The following RBFOX1 variants were observed in gnomAD, a reference collection of about 807,000 sequenced individuals.
RBFOX1 encodes RNA binding protein fox-1 homolog 1.
Under a neutral mutation model 57.7 loss-of-function variants are expected in RBFOX1, and 8 were observed. The observed-to-expected ratio is 0.14, with a 90% CI of 0.08 to 0.25. The LOEUF is 0.25. Among genes scored for constraint, RBFOX1 ranks in the 10% least tolerant of loss-of-function variants. The pLI, the probability that RBFOX1 is intolerant of heterozygous loss-of-function variation, is 1.00. For missense variants in RBFOX1, 611 were observed against 548.5 expected (o/e 1.11, Z -1.14); for synonymous variants, 326 against 222.4 (o/e 1.47, Z -4.15).
intron 2 of RBFOX1, among the ~76,000 whole-genome samples, chr16:6,359,132 A>T (rs915253211): frequency 1.3e-5 from 2 of 152,074 alleles, no homozygotes; most frequent in Non-Finnish European, 2.9e-5. Flanking sequence ...TAGCTCTGTC[A>T]CCCAGGCTGG....
At chr16:7,006,183 A>T (rs550358188) in intron 3 of RBFOX1, among the ~76,000 whole-genome samples, 10 of 151,688 alleles carry the variant, frequency 6.6e-5, no homozygotes, top group Non-Finnish European at 1.3e-4. Context: ...ATGGAGTCTC[A>T]CTCTGTTTGT....
chr16:7,703,663 TG>T (rs1268777115), intron 14 of RBFOX1, among the ~76,000 whole-genome samples: 1 of 152,206 alleles, frequency 6.6e-6, no homozygotes, highest in Non-Finnish European at 1.5e-5. Context: ...TTCAAGTAGG[TG>T]TACATAGTAC....
intron 2 of RBFOX1, among the ~76,000 whole-genome samples, chr16:6,564,312 G>A (rs190082313): frequency 3.2e-4 from 48 of 152,268 alleles, no homozygotes; most frequent in African/African-American, 1.1e-3. Flanking sequence ...CTGGGCTGCA[G>A]TGCATACAGT....
chr16:5,611,106 C>T (rs2047769582), intron 3 of RBFOX1: 2 of 152,196 alleles, frequency 1.3e-5, no homozygotes, highest in South Asian at 2.1e-4. Flanking sequence ...CGTGCTTTCT[C>T]TCTGACCCAC....
At chr16:6,438,302 G>T (rs9939653) in intron 2 of RBFOX1, among the ~76,000 whole-genome samples, 33,496 of 152,100 alleles carry the variant, frequency 0.22, 3,971 homozygotes, top group East Asian at 0.32. Context: ...AAGGTGTACT[G>T]TTGTTTCTAT....
intron 2 of RBFOX1, among the ~76,000 whole-genome samples, chr16:5,585,011 C>G (rs1319849020): frequency 1.3e-5 from 2 of 152,136 alleles, no homozygotes; most frequent in Non-Finnish European, 2.9e-5. Context: ...AAAATAAAGG[C>G]AGCCTCCACA....
intron 4 of RBFOX1, among the ~76,000 whole-genome samples, chr16:6,002,367 G>C (rs1283217441): frequency 6.6e-6 from 1 of 152,216 alleles, no homozygotes; most frequent in Admixed American, 6.5e-5. Flanking sequence ...AGAGGAAATA[G>C]AGTTTTGACA....
intron 4 of RBFOX1, among the ~76,000 whole-genome samples, chr16:7,425,200 C>G (rs11642984): frequency 6.6e-6 from 1 of 152,064 alleles, no homozygotes; most frequent in African/African-American, 2.4e-5. Context: ...CTGTAGAATG[C>G]TAGAAGTCCA....
At chr16:6,614,892 A>G (rs1263176659) in intron 2 of RBFOX1, among the ~76,000 whole-genome samples, 1 of 152,196 alleles carries the variant, frequency 6.6e-6, no homozygotes, top group Non-Finnish European at 1.5e-5. Flanking sequence ...AAATGTTTGC[A>G]TTTGGAGGTA....
At chr16:6,380,406 T>G (rs1235264382) in intron 2 of RBFOX1, among the ~76,000 whole-genome samples, 1 of 16,464 alleles carries the variant, frequency 6.1e-5, no homozygotes, top group East Asian at 2.3e-3. Flanking sequence ...GGATTTTTTT[T>G]TTTTTTTTTT....
intron 1 of RBFOX1, among the ~76,000 whole-genome samples, chr16:5,324,434 G>A (rs568064067): frequency 7.9e-5 from 12 of 152,184 alleles, no homozygotes; most frequent in African/African-American, 1.2e-4. Flanking sequence ...CTGCACTCCA[G>A]CCTGGGTGAC....
intron 2 of RBFOX1, among the ~76,000 whole-genome samples, chr16:6,515,725 C>A (rs1461284862): frequency 1.3e-5 from 2 of 152,164 alleles, no homozygotes; most frequent in Admixed American, 1.3e-4. Context: ...CAGGCTACCC[C>A]ATACCTCCAC....
At chr16:7,560,532 C>CA (rs35756861) in intron 5 of RBFOX1, among the ~76,000 whole-genome samples, 71,995 of 135,668 alleles carry the variant, frequency 0.53, 18,241 homozygotes, top group Admixed American at 0.58. Context: ...TGTAGAGTAT[C>CA]AAAAAAAAAA....
At chr16:7,401,946 A>C (rs1487306669) in intron 4 of RBFOX1, among the ~76,000 whole-genome samples, 1 of 152,160 alleles carries the variant, frequency 6.6e-6, no homozygotes, top group Non-Finnish European at 1.5e-5. Context: ...CCAAAAGAGG[A>C]ATGTCATCTG....
At chr16:6,731,134 G>A (rs970425) in intron 3 of RBFOX1, among the ~76,000 whole-genome samples, 137,827 of 152,144 alleles carry the variant, frequency 0.91, 64,050 homozygotes, top group East Asian at 1. Flanking sequence ...ATTAGAAGAT[G>A]AATACAGAGG....
chr16:5,585,930 GA>G (rs2046815345), intron 2 of RBFOX1, among the ~76,000 whole-genome samples: 1 of 152,094 alleles, frequency 6.6e-6, no homozygotes. Flanking sequence ...TGGAACCTGT[GA>G]ATATGATCTT....
chr16:7,515,009 T>G (rs2076044602), intron 4 of RBFOX1, among the ~76,000 whole-genome samples: 1 of 152,150 alleles, frequency 6.6e-6, no homozygotes, highest in South Asian at 2.1e-4. Flanking sequence ...TGTAAGAGTT[T>G]ACACAAGTCT....
At chr16:7,106,347 A>G (rs912690156) in intron 4 of RBFOX1, among the ~76,000 whole-genome samples, 3 of 152,314 alleles carry the variant, frequency 2.0e-5, no homozygotes, top group Non-Finnish European at 2.9e-5. Flanking sequence ...TAAATGGTGA[A>G]GCTAGTTGAG....
At chr16:6,676,864 C>T (rs1013992470) in intron 3 of RBFOX1, among the ~76,000 whole-genome samples, 4 of 151,670 alleles carry the variant, frequency 2.6e-5, no homozygotes, top group Non-Finnish European at 2.9e-5. Context: ...TTAGTAGAGA[C>T]GGGGTTTCAC....
Sources: allele counts gnomAD v4.1 joint callset (sites outside exome capture counted in the v4.1 genomes callset), GRCh38; gene constraint gnomAD v4.1.1; transcripts MANE v1.5; gene names NCBI Gene and HGNC (gene_info 2026-07-23, HGNC 2026-07-21).